SLC9A9: variants seen among roughly 807,000 people sequenced by gnomAD.
SLC9A9 encodes the protein solute carrier family 9 member A9, also known as sodium/hydrogen exchanger 9.
In SLC9A9, 62 loss-of-function variants were observed where a neutral mutation model predicts 77.8. The ratio of observed to expected loss-of-function variants is 0.80; its 90% CI spans 0.65 to 0.98. SLC9A9 has a LOEUF of 0.98. Among genes scored for constraint, SLC9A9 ranks in the 50% least tolerant of loss-of-function variants. The pLI, the probability that SLC9A9 is intolerant of heterozygous loss-of-function variation, is 0.00. For missense variants in SLC9A9, 775 were observed against 774.9 expected, an observed-to-expected ratio of 1.00 and a Z score of 0.00; for synonymous variants, 320 against 283.5, an observed-to-expected ratio of 1.13 and a Z score of -1.29.
intron 6 of SLC9A9, among the ~76,000 whole-genome samples, chr3:143,646,333 T>C (rs1171682493): frequency 1.3e-5 from 2 of 148,242 alleles, no homozygotes; most frequent in African/African-American, 4.9e-5. Context: ...TCATATATAA[T>C]ACATATAATG....
chr3:143,562,738 G>C (rs1211398238), intron 8 of SLC9A9, among the ~76,000 whole-genome samples: 2 of 151,006 alleles, frequency 1.3e-5, no homozygotes, highest in African/African-American at 4.9e-5. Context: ...ATCTCTGCTG[G>C]AAAAACAAGC....
At chr3:143,449,669 T>TATAAAATAATTATATAAAATATAATTATA (rs2034941913) in intron 12 of SLC9A9, among the ~76,000 whole-genome samples, 2 of 18,900 alleles carry the variant, frequency 1.1e-4, no homozygotes, top group African/African-American at 9.8e-4. Context: ...AATATAATTA[T>TATAAAATAATTATATAAAATATAATTATA]ATTATATAAT....
intron 4 of SLC9A9, among the ~76,000 whole-genome samples, chr3:143,696,746 T>C (rs1933653191): frequency 6.6e-6 from 1 of 152,150 alleles, no homozygotes; most frequent in Non-Finnish European, 1.5e-5. Flanking sequence ...AGAGTTAAAA[T>C]GACTTGTTCC....
chr3:143,632,440 T>A (rs1306781667), intron 6 of SLC9A9, among the ~76,000 whole-genome samples: 1 of 152,046 alleles, frequency 6.6e-6, no homozygotes, highest in African/African-American at 2.4e-5. Context: ...AAAATAAAAA[T>A]TGAACCTGAG....
intron 5 of SLC9A9, among the ~76,000 whole-genome samples, chr3:143,674,014 T>C (rs1245496552): frequency 6.6e-6 from 1 of 152,214 alleles, no homozygotes; most frequent in Admixed American, 6.5e-5. Context: ...AGGAATATCA[T>C]GATAGTGTTA....
At chr3:143,404,605 C>T (rs1024961948) in intron 12 of SLC9A9, among the ~76,000 whole-genome samples, 3 of 152,070 alleles carry the variant, frequency 2.0e-5, no homozygotes, top group African/African-American at 7.2e-5. Context: ...TCTTTTTTCC[C>T]CCTCTTTATT....
Position 143,835,147 on chromosome 3 carries a change from A to G in SLC9A9, c.176-2926T>C, listed in dbSNP as rs113047953. Among the ~76,000 whole-genome samples the G allele has an allele frequency of 3.7e-3, 566 of 152,326 alleles. 5 individuals are homozygous for G. The highest frequency in any genetic ancestry group is 0.013 in the African/African-American group (544 of 41,578). On this transcript the variant is annotated intron_variant, in intron 1 of 15. Transcript: ENST00000316549. ...CTTCCTTCTCTCTCTTCACAGGATC[A>G]GGCCTGCATCAAAACCTGACAGCTG...
chr3:143,647,457 AG>A (rs2038724584), intron 6 of SLC9A9, among the ~76,000 whole-genome samples: 1 of 152,216 alleles, frequency 6.6e-6, no homozygotes, highest in African/African-American at 2.4e-5. Flanking sequence ...GATCACCTGA[AG>A]AAGAATACAT....
At chr3:143,789,936 T>C (rs115170886) in intron 4 of SLC9A9, among the ~76,000 whole-genome samples, 1,689 of 152,238 alleles carry the variant, frequency 0.011, 24 homozygotes, top group African/African-American at 0.039. Context: ...AGTTACCGAG[T>C]CCAGCATTCT....
intron 12 of SLC9A9, among the ~76,000 whole-genome samples, chr3:143,391,540 G>A (rs185722959): frequency 6.6e-6 from 1 of 152,322 alleles, no homozygotes; most frequent in African/African-American, 2.4e-5. Context: ...AAAAATCAGA[G>A]CGCCTCTCCC....
At chr3:143,804,437 T>C (rs2008654672) in intron 2 of SLC9A9, among the ~76,000 whole-genome samples, 1 of 152,264 alleles carries the variant, frequency 6.6e-6, no homozygotes, top group East Asian at 1.9e-4. Context: ...TCTAAGCAGT[T>C]ACCCCATCAG....
chr3:143,795,907 T>A (rs1375089746), intron 3 of SLC9A9, among the ~76,000 whole-genome samples: 1 of 152,076 alleles, frequency 6.6e-6, no homozygotes, highest in Non-Finnish European at 1.5e-5. Flanking sequence ...GTTTTTTGAG[T>A]GGGATCTGAG....
intron 4 of SLC9A9, among the ~76,000 whole-genome samples, chr3:143,707,677 T>G (rs1900648): frequency 0.67 from 101,189 of 152,036 alleles, 34,031 homozygotes; most frequent in African/African-American, 0.71. Context: ...TTAACTTGGC[T>G]GTAAGAGGAT....
intron 14 of SLC9A9, among the ~76,000 whole-genome samples, chr3:143,331,257 TG>T (rs1262269932): frequency 6.6e-6 from 1 of 152,216 alleles, no homozygotes; most frequent in Non-Finnish European, 1.5e-5. Flanking sequence ...TATGAGGGGC[TG>T]GTGGGCTGCC....
At chr3:143,631,554 A>T (rs576976372) in intron 6 of SLC9A9, among the ~76,000 whole-genome samples, 1 of 152,262 alleles carries the variant, frequency 6.6e-6, no homozygotes, top group African/African-American at 2.4e-5. Flanking sequence ...TCGTTCCTTG[A>T]TAGAGACATG....
intron 9 of SLC9A9, among the ~76,000 whole-genome samples, chr3:143,502,727 G>T (rs1295745565): frequency 6.6e-6 from 1 of 152,006 alleles, no homozygotes; most frequent in East Asian, 1.9e-4. Context: ...TCTATGAAAG[G>T]CACTGAAATT....
At chr3:143,500,767 C>A in intron 9 of SLC9A9, among the ~76,000 whole-genome samples, 1 of 142,356 alleles carries the variant, frequency 7.0e-6, no homozygotes, top group Non-Finnish European at 1.5e-5. Flanking sequence ...ATATAAGATA[C>A]CATAAATATC....
intron 11 of SLC9A9, 30 bp from the exon 12 acceptor site, chr3:143,467,220 ATGCCTTGCAGG>A (rs1282149399): frequency 5.6e-6 from 9 of 1,613,968 alleles, no homozygotes; most frequent in Non-Finnish European, 7.6e-6. Flanking sequence ...GAGAAAATAA[ATGCCTTGCAGG>A]TGTCTTTTTC....
chr3:143,791,737 T>C (rs2008231382), intron 4 of SLC9A9, among the ~76,000 whole-genome samples: 1 of 152,214 alleles, frequency 6.6e-6, no homozygotes. Flanking sequence ...GAGTTTGATC[T>C]AACTTCTATT....
Sources: allele counts gnomAD v4.1 joint callset (sites outside exome capture counted in the v4.1 genomes callset), GRCh38; gene constraint gnomAD v4.1.1; transcripts MANE v1.5; gene names NCBI Gene and HGNC (gene_info 2026-07-23, HGNC 2026-07-21).